The following MPP4 variants were observed in gnomAD, a reference collection of about 807,000 sequenced individuals.
MPP4 encodes the protein MAGUK p55 scaffold protein 4, also known as MAGUK p55 subfamily member 4.
Under a neutral mutation model 98.3 loss-of-function variants are expected in MPP4, and 91 were observed. The observed-to-expected ratio is 0.93, with a 90% CI of 0.78 to 1.10. The LOEUF is 1.10. MPP4 is among the 50% of genes least tolerant of loss of function. MPP4 has a pLI of 0.00. For synonymous variants in MPP4, 261 were observed against 271.8 expected, an observed-to-expected ratio of 0.96 and a Z score of 0.39; for missense variants, 744 against 792.9, an observed-to-expected ratio of 0.94 and a Z score of 0.74.
Position 201,690,277 on chromosome 2 carries a change from A to T in MPP4, c.204T>A (p.Ile68=). The part of the protein sequence containing the change: ...HSPWLQALLK[I]YDCLQEFKEK... ...CTTTAAATTCCTGGAGGCAGTCATA[A>T]ATCTGCAGAAGGACAAGGGAGGGAG... The change falls in exon 4 of 22, where the codon ATT becomes ATA. Residue 68 remains isoleucine (I), a splice_region_variant and synonymous_variant. Transcript: ENST00000409474. 1 of 1,598,650 alleles carries T rather than the reference A, an allele frequency of 6.3e-7. No homozygotes were observed. The highest frequency in any genetic ancestry group is 8.5e-7 in the Non-Finnish European group (1 of 1,170,314).
At chr2:201,661,572 C>T (rs1305338677) in intron 14 of MPP4, 1 of 456,296 alleles carries the variant, frequency 2.2e-6, no homozygotes, top group African/African-American at 2.0e-5. Flanking sequence ...GTGCTGTTCT[C>T]AAAAGAACTG....
intron 10 of MPP4, among the ~76,000 whole-genome samples, chr2:201,678,787 C>T (rs4675217): frequency 0.33 from 50,727 of 151,798 alleles, 10,553 homozygotes; most frequent in Middle Eastern, 0.47. Context: ...TCCCTAGGAG[C>T]CCCCAGCTTT....
chr2:201,692,090 C>T (rs1418647627), intron 3 of MPP4, among the ~76,000 whole-genome samples: 2 of 152,112 alleles, frequency 1.3e-5, no homozygotes, highest in Non-Finnish European at 2.9e-5. Context: ...TAAGTTAATT[C>T]CTTCCTAAGC....
chr2:201,650,151 T>C lies in MPP4; in HGVS notation c.1396A>G (p.Lys466Glu), dbSNP rs1342190958. The C allele has an allele frequency of 1.9e-6, 3 of 1,569,784 alleles. No homozygotes were observed. Among genetic ancestry groups the C allele is most frequent in the Non-Finnish European group, 2.6e-6 (3 of 1,155,392 alleles). ...QSAVPHTTRT[K>E]KSYEMNGREY... Reference sequence around the variant, plus strand: ...CGCCCATTCATTTCGTAACTCTTTTTAGTACGAGTAGTGTCTATCAGAAAA... The same window carrying C: ...CGCCCATTCATTTCGTAACTCTTTTCAGTACGAGTAGTGTCTATCAGAAAA... The change falls in exon 19 of 22, where the codon AAA (lysine) becomes GAA (glutamate). Residue 466 changes from lysine (K) to glutamate (E), a missense_variant. Physicochemically the swap from Lys to Glu is moderately conservative, Grantham distance 56. Transcript: ENST00000409474.
intron 1 of MPP4, among the ~76,000 whole-genome samples, chr2:201,696,027 A>G (rs981798361): frequency 1.3e-5 from 2 of 152,244 alleles, no homozygotes; most frequent in African/African-American, 2.4e-5. Context: ...GGTTGAAGCC[A>G]GGAAGGCTAT....
chr2:201,696,278 G>A (rs1278622710), intron 1 of MPP4, among the ~76,000 whole-genome samples: 1 of 152,162 alleles, frequency 6.6e-6, no homozygotes, highest in South Asian at 2.1e-4. Flanking sequence ...GCGTTTTCCT[G>A]TGTTCTGTGT....
intron 2 of MPP4, 89 bp downstream of exon 2, chr2:201,693,787 G>C: frequency 1.4e-6 from 2 of 1,481,166 alleles, no homozygotes; most frequent in Non-Finnish European, 1.9e-6. Flanking sequence ...ATCACAGTAA[G>C]TCTGTCAGGA....
At chr2:201,695,573 G>A (rs1365383004) in intron 1 of MPP4, among the ~76,000 whole-genome samples, 1 of 152,204 alleles carries the variant, frequency 6.6e-6, no homozygotes, top group Non-Finnish European at 1.5e-5. Flanking sequence ...AGTAACCACT[G>A]TAGGCAACTA....
Position 201,693,966 on chromosome 2 carries a change from G to A in MPP4, c.-12C>T. The A allele has an allele frequency of 6.2e-7, 1 of 1,613,906 alleles. No homozygotes were observed. Among genetic ancestry groups the A allele is most frequent in the Non-Finnish European group, 8.5e-7 (1 of 1,179,832 alleles). On this transcript the variant is annotated 5_prime_UTR_variant, in exon 2 of 22. Coordinates refer to ENST00000409474, the MANE Select transcript of MPP4 (RefSeq NM_033066.3). Reference sequence around the variant, plus strand: ...TCTGACTGTATCATCCTCCCTGCCGGAGCTTCTGAAAGGAATTCAGGACTA... The same window carrying A: ...TCTGACTGTATCATCCTCCCTGCCGAAGCTTCTGAAAGGAATTCAGGACTA...
rs1861292 is a variant in MPP4, at chr2:201,660,587, T to C, written c.1073-241A>G. Among the ~76,000 whole-genome samples, 360 of 152,158 alleles carry C rather than the reference T, an allele frequency of 2.4e-3. 2 individuals are homozygous for C. Among genetic ancestry groups the C allele is most frequent in the Non-Finnish European group, 3.9e-3 (264 of 68,006 alleles). On this transcript the variant is annotated intron_variant, in intron 14 of 21. Transcript: ENST00000409474. ...TTTTCTGAAAGTTGCCTATCAAGAC[T>C]CTCCCTGAAGGCTTTTTAACTCAGG...
At chr2:201,658,550 T>A (rs1409722051) in intron 15 of MPP4, 32 bp from the exon 16 acceptor site, 2 of 1,595,084 alleles carry the variant, frequency 1.3e-6, no homozygotes, top group Middle Eastern at 1.7e-4. Context: ...GAGCAGAATA[T>A]GTGAGAGCGA....
intron 18 of MPP4, chr2:201,651,223 C>T: frequency 4.1e-6 from 4 of 985,368 alleles, no homozygotes; most frequent in Non-Finnish European, 4.8e-6. Flanking sequence ...TAGAAACCGG[C>T]CTTAAATTAT....
Position 201,687,297 on chromosome 2 carries a change from G to C in MPP4, c.354C>G (p.His118Gln). Residue 118 changes from histidine to glutamine, a missense_variant, in exon 5 of 22, where the codon CAC becomes CAG. Coordinates refer to ENST00000409474, the MANE Select transcript of MPP4 (RefSeq NM_033066.3). ...TATTTTAGCAGGCACTTGCCTTGAA[G>C]TGTGGAGCCTGGAGCATTTGTCTCA... is the stretch of plus-strand genomic sequence containing the variant. ...QELRQMLQAP[H>Q]FKALLSAHDT... 6.3e-7 allele frequency: 1 copy of C among 1,574,836 alleles called. No individual in the cohort carries two copies.
chr2:201,662,786 GAT>G (rs1215328436), intron 14 of MPP4, among the ~76,000 whole-genome samples: 4 of 152,078 alleles, frequency 2.6e-5, no homozygotes, highest in Non-Finnish European at 5.9e-5. Context: ...TTGGGGTAAA[GAT>G]AATATGCCAA....
intron 11 of MPP4, chr2:201,673,598 T>TA: frequency 5.4e-6 from 1 of 184,102 alleles, no homozygotes; most frequent in South Asian, 1.2e-4. Context: ...ATGTTAAGTT[T>TA]AAAAAAATAA....
intron 8 of MPP4, 94 bp downstream of exon 8, chr2:201,682,737 G>T: frequency 9.6e-7 from 1 of 1,047,042 alleles, no homozygotes; most frequent in Non-Finnish European, 1.5e-6. Context: ...TTGAGTCCCC[G>T]GTACATCCCA....
intron 16 of MPP4, among the ~76,000 whole-genome samples, chr2:201,657,595 T>TTTTG (rs1687887872): frequency 8.5e-6 from 1 of 117,930 alleles, no homozygotes; most frequent in East Asian, 2.3e-4. Context: ...CCCTTGTTTT[T>TTTTG]TTTTTGTTTT....
At chr2:201,651,148 A>G in intron 18 of MPP4, 7 of 985,430 alleles carry the variant, frequency 7.1e-6, no homozygotes, top group Non-Finnish European at 8.4e-6. Flanking sequence ...GCATCTGACA[A>G]AGTTTAAGGA....
intron 12 of MPP4, among the ~76,000 whole-genome samples, chr2:201,668,749 C>T (rs1019546471): frequency 1.8e-4 from 27 of 152,138 alleles, no homozygotes; most frequent in African/African-American, 6.3e-4. Context: ...CCACCACTAC[C>T]GTACAGTTCC....
Sources: allele counts gnomAD v4.1 joint callset (sites outside exome capture counted in the v4.1 genomes callset), GRCh38; gene constraint gnomAD v4.1.1; transcripts MANE v1.5; gene names NCBI Gene and HGNC (gene_info 2026-07-23, HGNC 2026-07-21).